CNTRL: variants seen among roughly 807,000 people sequenced by gnomAD.
CNTRL encodes centriolin, also known as 110 kDa centrosomal protein.
CNTRL carries 233 observed loss-of-function variants against 303.7 expected under a neutral mutation model. That is an observed-to-expected ratio of 0.77 (90% CI 0.69 to 0.86). The LOEUF (loss-of-function observed/expected upper bound fraction) is 0.86. CNTRL is among the 40% of genes least tolerant of loss of function. CNTRL has a pLI of 0.00. For missense variants in CNTRL, 2,524 were observed against 2,650.6 expected (o/e 0.95, Z 1.05); for synonymous variants, 900 against 922.2 (o/e 0.98, Z 0.44).
At chr9:121,144,987 C>A in intron 21 of CNTRL, 28 bp downstream of exon 21, 1 of 1,557,558 alleles carries the variant, frequency 6.4e-7, no homozygotes, top group South Asian at 1.1e-5. Context: ...GAGACCTCCT[C>A]TTTCTCAGAT....
intron 11 of CNTRL, among the ~76,000 whole-genome samples, 174 bp from the exon 12 acceptor site, chr9:121,118,172 A>G (rs951469908): frequency 3.0e-4 from 45 of 152,154 alleles, no homozygotes; most frequent in African/African-American, 9.4e-4. Flanking sequence ...GATTTTCTAC[A>G]TATAAGCATA....
intron 11 of CNTRL, among the ~76,000 whole-genome samples, chr9:121,115,670 G>A (rs1236552503): frequency 6.6e-6 from 1 of 152,132 alleles, no homozygotes; most frequent in Non-Finnish European, 1.5e-5. Flanking sequence ...AAGCGAGTAA[G>A]CAGCTCAAAT....
At position 121,173,391 on chromosome 9, in the gene CNTRL, T is replaced by C. The variant is rs769056376; in HGVS notation, c.6566T>C (p.Ile2189Thr). Residue 2189 changes from isoleucine to threonine, a missense_variant, in exon 41 of 44, where the codon ATT becomes ACT. Physicochemically the swap from Ile to Thr is moderately conservative, Grantham distance 89 (BLOSUM62 -1). Coordinates refer to ENST00000373855, the MANE Select transcript of CNTRL (RefSeq NM_007018.6). ...LPELPADLEAILERNENLEGE... is the reference protein window; with the variant it reads ...LPELPADLEATLERNENLEGE... ...GAACTACCAGCAGATCTAGAAGCTA[T>C]TTTGGAAAGAAACGAAAACCTAGAA... 4 of 1,614,164 alleles carry C rather than the reference T, an allele frequency of 2.5e-6. No homozygotes were observed. Among genetic ancestry groups the C allele is most frequent in the Non-Finnish European group, 2.5e-6 (3 of 1,180,042 alleles).
intron 32 of CNTRL, among the ~76,000 whole-genome samples, chr9:121,160,511 C>A (rs1284289538): frequency 6.6e-6 from 1 of 152,180 alleles, no homozygotes; most frequent in Non-Finnish European, 1.5e-5. Context: ...ATGCTCATTG[C>A]TGATCAGAGT....
chr9:121,157,900 G>A lies in CNTRL; in HGVS notation c.4637+20G>A. 1.2e-6 allele frequency: 2 copies of A among 1,613,708 alleles called. No individual in the cohort carries two copies. The highest frequency in any genetic ancestry group is 1.7e-6 in the Non-Finnish European group (2 of 1,179,878). ...AGAAGAGTAAGTAAGGCCTCTGTAG[G>A]GCTACAAGGGGTTTGTGCTGGAAGA... On this transcript the variant is annotated intron_variant, in intron 29 of 43. Coordinates refer to ENST00000373855, the MANE Select transcript of CNTRL (RefSeq NM_007018.6).
At chr9:121,103,465 A>G (rs1000833545) in intron 7 of CNTRL, among the ~76,000 whole-genome samples, 17 of 152,228 alleles carry the variant, frequency 1.1e-4, no homozygotes, top group Non-Finnish European at 2.2e-4. Context: ...AACCTAGGCA[A>G]TACTATTCAG....
At chr9:121,172,013 C>T (rs982532162) in intron 40 of CNTRL, among the ~76,000 whole-genome samples, 18 of 152,106 alleles carry the variant, frequency 1.2e-4, no homozygotes. Flanking sequence ...CTCTGGTGTC[C>T]TTTAGAGCAT....
In CNTRL at chr9:121,153,828, C is replaced by T. The variant is rs571838107; in HGVS notation, c.4173-893C>T. ...CAAGTAAGTAAGACGTGGTCACTGCCATCTAGCAGCAGACATCTGACTAAT... is the reference window on the plus strand; with the variant it reads ...CAAGTAAGTAAGACGTGGTCACTGCTATCTAGCAGCAGACATCTGACTAAT... On this transcript the variant is annotated intron_variant, in intron 26 of 43. Transcript: ENST00000373855. Among the ~76,000 whole-genome samples the T allele has an allele frequency of 3.3e-5, 5 of 152,298 alleles. No homozygotes were observed. In the East Asian group the frequency reaches 9.6e-4, roughly 29 times the overall value.
At chr9:121,143,837 A>G in intron 19 of CNTRL, 66 bp from the exon 20 acceptor site, 2 of 1,307,064 alleles carry the variant, frequency 1.5e-6, no homozygotes, top group South Asian at 1.4e-5. Context: ...ACCCTCCTGG[A>G]GCTTACATCT....
Position 121,157,955 on chromosome 9 carries a change from CTGCTCTAGTGT to C in CNTRL, c.4638-23_4638-13del, listed in dbSNP as rs752023096. 1.2e-6 allele frequency: 2 copies of C among 1,614,096 alleles called. No individual in the cohort carries two copies. Among genetic ancestry groups the C allele is most frequent in the South Asian group, 2.2e-5 (2 of 91,064 alleles). On this transcript the variant is annotated splice_polypyrimidine_tract_variant and intron_variant, in intron 29 of 43. Coordinates refer to ENST00000373855, the MANE Select transcript of CNTRL (RefSeq NM_007018.6). The stretch of plus-strand genomic sequence containing the variant: ...TCTGGGGTTCCGAGTCCCTTAGGAT[CTGCTCTAGTGT>C]TGCTGGTGCTTTGTAGGCTTCAGAA...
chr9:121,133,815 C>T (rs540605823), intron 14 of CNTRL, among the ~76,000 whole-genome samples: 2 of 152,290 alleles, frequency 1.3e-5, no homozygotes, highest in African/African-American at 4.8e-5. Flanking sequence ...TATTTTTATA[C>T]AGATTTTTTT....
At chr9:121,108,327 A>C (rs2049579522) in intron 8 of CNTRL, among the ~76,000 whole-genome samples, 1 of 152,222 alleles carries the variant, frequency 6.6e-6, no homozygotes, top group African/African-American at 2.4e-5. Flanking sequence ...CTTTTTGGAC[A>C]TGGAATCCAT....
At chr9:121,105,203 T>C (rs907141523) in intron 7 of CNTRL, among the ~76,000 whole-genome samples, 7 of 152,148 alleles carry the variant, frequency 4.6e-5, no homozygotes, top group Admixed American at 4.6e-4. Flanking sequence ...TGGTTAACAC[T>C]TGGATAGGAG....
intron 2 of CNTRL, among the ~76,000 whole-genome samples, chr9:121,084,737 G>C (rs551844729): frequency 6.6e-6 from 1 of 152,036 alleles, no homozygotes; most frequent in Non-Finnish European, 1.5e-5. Context: ...GTAGAGACGG[G>C]GTTTCACCAT....
chr9:121,167,146 C>T (rs529071591), intron 36 of CNTRL, among the ~76,000 whole-genome samples: 7 of 151,930 alleles, frequency 4.6e-5, no homozygotes, highest in Admixed American at 2.0e-4. Context: ...CCCGTCTCTA[C>T]GAAAAAGACA....
At chr9:121,103,179 T>C (rs2049271044) in intron 7 of CNTRL, among the ~76,000 whole-genome samples, 2 of 152,174 alleles carry the variant, frequency 1.3e-5, no homozygotes, top group South Asian at 4.1e-4. Flanking sequence ...CAAAACAGCA[T>C]GGTACTGGTA....
At chr9:121,129,882 A>G (rs1290975767) in intron 14 of CNTRL, among the ~76,000 whole-genome samples, 1 of 152,194 alleles carries the variant, frequency 6.6e-6, no homozygotes. Context: ...TTCTGCATCT[A>G]TTGAGATATC....
At chr9:121,167,857 G>C (rs1266055596) in intron 37 of CNTRL, among the ~76,000 whole-genome samples, 180 bp downstream of exon 37, 1 of 152,076 alleles carries the variant, frequency 6.6e-6, no homozygotes, top group Admixed American at 6.5e-5. Flanking sequence ...GACCTTTAAC[G>C]ATCATAGAAC....
chr9:121,095,749 A>G (rs1157868377), intron 5 of CNTRL, among the ~76,000 whole-genome samples: 1 of 152,246 alleles, frequency 6.6e-6, no homozygotes, highest in African/African-American at 2.4e-5. Context: ...AAATATTTTC[A>G]GCAAAATAAA....
Sources: allele counts gnomAD v4.1 joint callset (sites outside exome capture counted in the v4.1 genomes callset), GRCh38; gene constraint gnomAD v4.1.1; transcripts MANE v1.5; gene names NCBI Gene and HGNC (gene_info 2026-07-23, HGNC 2026-07-21).